NBAS: variants seen among roughly 807,000 people sequenced by gnomAD.
The protein encoded by NBAS is NBAS subunit of NRZ tethering complex, also known as NAG/BC035112 fusion.
Under a neutral mutation model 302.5 loss-of-function variants are expected in NBAS, and 219 were observed. That is an observed-to-expected ratio of 0.72 (90% CI 0.65 to 0.81). The LOEUF (loss-of-function observed/expected upper bound fraction) is 0.81. Among genes scored for constraint, NBAS ranks in the 30% least tolerant of loss-of-function variants. The probability of loss-of-function intolerance (pLI) is 0.00; values close to 1 mark genes in which losing one functional copy is unlikely to be tolerated. For missense variants in NBAS, 2,932 were observed against 2,841.6 expected, an observed-to-expected ratio of 1.03 and a Z score of -0.72; for synonymous variants, 1,118 against 1,021.6, an observed-to-expected ratio of 1.09 and a Z score of -1.80.
At chr2:15,514,608 A>C (rs966013099) in intron 9 of NBAS, among the ~76,000 whole-genome samples, 6 of 151,478 alleles carry the variant, frequency 4.0e-5, no homozygotes, top group Non-Finnish European at 7.4e-5. Context: ...TTCCTTGATA[A>C]CTGAAATAAT....
At chr2:15,435,663 C>T (rs184989154) in intron 21 of NBAS, among the ~76,000 whole-genome samples, 231 of 152,254 alleles carry the variant, frequency 1.5e-3, no homozygotes, top group African/African-American at 2.8e-3. Context: ...ATTTGAATCC[C>T]GCCTTTTCCA....
chr2:15,491,268 G>A (rs1461273641), intron 11 of NBAS, among the ~76,000 whole-genome samples: 1 of 152,092 alleles, frequency 6.6e-6, no homozygotes, highest in Non-Finnish European at 1.5e-5. Context: ...CATTCTGGAG[G>A]TGCCCTCCCC....
chr2:15,364,073 A>G (rs1448156187), intron 32 of NBAS, among the ~76,000 whole-genome samples: 1 of 152,190 alleles, frequency 6.6e-6, no homozygotes, highest in African/African-American at 2.4e-5. Flanking sequence ...CCCTGCCAAG[A>G]GCCATGTGAA....
At chr2:15,034,287 A>G in the NBAS span, among the ~76,000 whole-genome samples, 1 of 99,428 alleles carries the variant, frequency 1.0e-5, no homozygotes, top group Admixed American at 1.0e-4. Context: ...AGAGAAAGAA[A>G]GAAAGAAAGA....
At chr2:14,802,033 C>A in the NBAS span, among the ~76,000 whole-genome samples, 1 of 147,002 alleles carries the variant, frequency 6.8e-6, no homozygotes, top group Non-Finnish European at 1.5e-5. Context: ...TTAATTAGAT[C>A]CCATTTGTCA....
rs1354447033 is a variant in NBAS, at chr2:15,443,757, C to T, written c.2340-15963G>A. On this transcript the variant is annotated intron_variant, in intron 21 of 51. Coordinates refer to ENST00000281513, the MANE Select transcript of NBAS (RefSeq NM_015909.4). ...ATGATTGTGTATCTAGAAAACCCCA[C>T]TGTCTCAGCCCAAAATCTCCTTAAG... Among the ~76,000 whole-genome samples, 850 of 149,952 alleles carry T rather than the reference C, an allele frequency of 5.7e-3. 7 individuals are homozygous for T. Among genetic ancestry groups the T allele is most frequent in the East Asian group, 0.034 (166 of 4,900 alleles).
the NBAS span, among the ~76,000 whole-genome samples, chr2:15,094,876 A>C: frequency 1.3e-5 from 2 of 152,216 alleles, no homozygotes; most frequent in Admixed American, 6.5e-5. Flanking sequence ...GAGATGAGGC[A>C]AGGGTGGACC....
chr2:15,387,073 T>C (rs534142707), intron 28 of NBAS, among the ~76,000 whole-genome samples: 11 of 142,002 alleles, frequency 7.7e-5, no homozygotes, highest in Non-Finnish European at 1.5e-4. Flanking sequence ...TGCACAATTA[T>C]AAAGTATTAA....
chr2:15,515,080 C>A (rs778470240), intron 9 of NBAS, among the ~76,000 whole-genome samples: 1 of 152,226 alleles, frequency 6.6e-6, no homozygotes, highest in South Asian at 2.1e-4. Context: ...CAAGTAGGCA[C>A]GGGTCCTCAG....
At chr2:15,443,690 T>G (rs1037448169) in intron 21 of NBAS, among the ~76,000 whole-genome samples, 1 of 150,496 alleles carries the variant, frequency 6.6e-6, no homozygotes, top group Non-Finnish European at 1.5e-5. Context: ...GGGTATTCAA[T>G]TAGGAAAAGA....
At chr2:15,192,169 C>T (rs773879575) in intron 48 of NBAS, among the ~76,000 whole-genome samples, 4 of 151,896 alleles carry the variant, frequency 2.6e-5, no homozygotes, top group African/African-American at 4.8e-5. Flanking sequence ...TTTCTTCTTC[C>T]GTAAGAAATG....
At position 15,402,242 on chromosome 2, in the gene NBAS, G is replaced by C. The variant is rs375039197; in HGVS notation, c.2997C>G (p.Ile999Met). ...DQLMAIALEC[I>M]YTCERNDQLC... is the part of the protein sequence containing the mutation. ...GTTGATCATTTCGTTCACAGGTATA[G>C]ATGCACTCTAGTGCTATTGCCATCA... The change falls in exon 26 of 52, where the codon ATC becomes ATG. Residue 999 changes from isoleucine to methionine, a missense_variant. Transcript: ENST00000281513. 6 of 1,613,434 alleles carry C rather than the reference G, an allele frequency of 3.7e-6. No homozygotes were observed. Among genetic ancestry groups the C allele is most frequent in the Non-Finnish European group, 5.1e-6 (6 of 1,179,644 alleles).
intron 9 of NBAS, among the ~76,000 whole-genome samples, chr2:15,528,494 G>GTA (rs1358388766): frequency 1.7e-5 from 2 of 115,304 alleles, no homozygotes; most frequent in South Asian, 2.7e-4. Context: ...ATATGTAAAT[G>GTA]TATATATATA....
intron 35 of NBAS, among the ~76,000 whole-genome samples, chr2:15,332,633 T>C (rs1672404920): frequency 6.7e-6 from 1 of 149,888 alleles, no homozygotes; most frequent in Admixed American, 6.6e-5. Context: ...TATAATTTAA[T>C]TATGAAAAAA....
rs1167993098 is a variant in NBAS, at chr2:15,236,527, CAAAAAAAAAAAAAAAA to C, written c.5944-1796_5944-1781del. Among the ~76,000 whole-genome samples the C allele has an allele frequency of 6.7e-3, 191 of 28,320 alleles. 4 individuals are homozygous for C. Among genetic ancestry groups the C allele is most frequent in the East Asian group, 0.03 (26 of 878 alleles). 18.6% of individuals were successfully genotyped at this position (28,320 alleles called of 152,430 possible). On this transcript the variant is annotated intron_variant, in intron 45 of 51. Transcript: ENST00000281513. Reference sequence around the variant, plus strand: ...TGGGCAACAGAGTGAGACCCTGTCTCAAAAAAAAAAAAAAAAAAAAAAAAAAAAGACAATTCTTGTT... The same window carrying C: ...TGGGCAACAGAGTGAGACCCTGTCTCAAAAAAAAAAAAGACAATTCTTGTT...
chr2:15,328,413 A>C, intron 36 of NBAS, 101 bp from the exon 37 acceptor site: 1 of 1,001,888 alleles, frequency 1.0e-6, no homozygotes, highest in Non-Finnish European at 1.6e-6. Context: ...GGAGGAAGAA[A>C]AGGCTGATTT....
Position 15,330,670 on chromosome 2 carries a change from G to T in NBAS, c.4275C>A (p.Thr1425=). ...CACTGACGGCCTGCAGCACCGCTTT[G>T]GTGGTGGTTGTGGTGTTGGAAAGGA... ...MKVLSNTTTT[T]KAVLQAVSDG... Residue 1425 remains threonine (T), a synonymous_variant, in exon 36 of 52, where the codon ACC becomes ACA. Transcript: ENST00000281513. 1 of 1,614,070 alleles carries T rather than the reference G, an allele frequency of 6.2e-7. No homozygotes were observed. Among genetic ancestry groups the T allele is most frequent in the Non-Finnish European group, 8.5e-7 (1 of 1,179,966 alleles).
the NBAS span, among the ~76,000 whole-genome samples, chr2:15,133,470 C>A: frequency 6.6e-6 from 1 of 152,280 alleles, no homozygotes; most frequent in African/African-American, 2.4e-5. Context: ...AGGTGTCAAA[C>A]TGGGAAACTG....
At chr2:15,236,251 A>G (rs1667586696) in intron 45 of NBAS, among the ~76,000 whole-genome samples, 1 of 152,018 alleles carries the variant, frequency 6.6e-6, no homozygotes, top group Non-Finnish European at 1.5e-5. Context: ...CCCCCCATAA[A>G]CTATTCTAGG....
Sources: gnomAD v4.1 joint callset for allele counts (sites outside exome capture counted in the v4.1 genomes callset) on GRCh38, gnomAD v4.1.1 for gene constraint, MANE v1.5 for transcripts, NCBI Gene and HGNC (gene_info 2026-07-23, HGNC 2026-07-21) for gene names.